SCN11A: variants seen among roughly 807,000 people sequenced by gnomAD.
SCN11A encodes the protein sodium voltage-gated channel alpha subunit 11, also known as sodium channel protein type 11 subunit alpha.
A neutral mutation model predicts 162.2 loss-of-function variants in SCN11A; 122 were observed. The ratio of observed to expected loss-of-function variants is 0.75; its 90% CI spans 0.65 to 0.87. The LOEUF (loss-of-function observed/expected upper bound fraction) is 0.87, where lower values mean the gene tolerates loss of function less well. SCN11A is among the 40% of genes least tolerant of loss of function. The probability of loss-of-function intolerance (pLI) is 0.00; values close to 1 mark genes in which losing one functional copy is unlikely to be tolerated. For synonymous variants in SCN11A, 758 were observed against 751.5 expected (o/e 1.01, Z -0.14); for missense variants, 2,015 against 2,181.6 (o/e 0.92, Z 1.52).
At chr3:38,855,128 CAGGT>C (rs2064846039) in intron 28 of SCN11A, among the ~76,000 whole-genome samples, 1 of 152,188 alleles carries the variant, frequency 6.6e-6, no homozygotes, top group Admixed American at 6.5e-5. Flanking sequence ...TGGCCTGGGG[CAGGT>C]CTGAGATCCC....
chr3:39,037,388 T>C (rs2031933713), intron 1 of SCN11A, among the ~76,000 whole-genome samples: 1 of 150,906 alleles, frequency 6.6e-6, no homozygotes, highest in Admixed American at 6.6e-5. Context: ...TATAGTTAGA[T>C]AGAATGAATA....
intron 7 of SCN11A, among the ~76,000 whole-genome samples, chr3:38,936,501 T>C (rs1157529345): frequency 1.5e-4 from 23 of 151,684 alleles, no homozygotes; most frequent in African/African-American, 5.4e-4. Flanking sequence ...CTCCTTAAGC[T>C]GATAAGCAAC....
chr3:38,912,944 G>A (rs765753914), intron 11 of SCN11A, among the ~76,000 whole-genome samples: 2 of 152,166 alleles, frequency 1.3e-5, no homozygotes, highest in Non-Finnish European at 2.9e-5. Context: ...GAACATGCAT[G>A]TGTGTGTATC....
chr3:39,039,520 C>T (rs1042514426), intron 1 of SCN11A, among the ~76,000 whole-genome samples: 7 of 152,156 alleles, frequency 4.6e-5, no homozygotes, highest in African/African-American at 1.7e-4. Context: ...GCGGTCATTC[C>T]ACCATGCCCA....
At chr3:38,959,181 G>A (rs914905181) in intron 3 of SCN11A, among the ~76,000 whole-genome samples, 4 of 152,182 alleles carry the variant, frequency 2.6e-5, no homozygotes. Context: ...AGGGGCAAAT[G>A]CTTTAAATGG....
intron 14 of SCN11A, among the ~76,000 whole-genome samples, chr3:38,905,692 G>T (rs1450620652): frequency 6.6e-6 from 1 of 152,222 alleles, no homozygotes; most frequent in Admixed American, 6.5e-5. Context: ...ATGTTTAAAG[G>T]TAAGAAGTGG....
At chr3:38,861,148 C>T (rs1447839478) in intron 28 of SCN11A, among the ~76,000 whole-genome samples, 1 of 151,718 alleles carries the variant, frequency 6.6e-6, no homozygotes, top group Non-Finnish European at 1.5e-5. Context: ...ACAACAGCTG[C>T]AGAAAAAAAT....
In SCN11A at chr3:38,897,077, C is replaced by T; in HGVS notation, c.2171G>A (p.Gly724Asp). 1 of 1,614,040 alleles carries T rather than the reference C, an allele frequency of 6.2e-7. No individual in the cohort carries two copies. Among genetic ancestry groups the T allele is most frequent in the Non-Finnish European group, 8.5e-7 (1 of 1,180,008 alleles). Residue 724 changes from glycine (G) to aspartate (D), a missense_variant, in exon 18 of 30, where the codon GGC (glycine) becomes GAC (aspartate). Transcript: ENST00000302328. ...IFSVVGMQLF[G>D]RSFNSQKSPK... ...ACTCTTTTGGGAATTGAAGCTACGG[C>T]CAAAAAGCTGCATGCCAACTACTGA... is the stretch of plus-strand genomic sequence containing the variant.
At chr3:38,914,001 T>A (rs951492106) in intron 11 of SCN11A, among the ~76,000 whole-genome samples, 1 of 152,216 alleles carries the variant, frequency 6.6e-6, no homozygotes, top group Non-Finnish European at 1.5e-5. Flanking sequence ...ATATAAATTT[T>A]AAAACAGCAT....
At chr3:38,926,135 A>AT (rs1193153858) in intron 8 of SCN11A, among the ~76,000 whole-genome samples, 1 of 152,110 alleles carries the variant, frequency 6.6e-6, no homozygotes. Context: ...TGCATTTCTT[A>AT]TTTTTTCTTT....
rs151313408 is a variant in SCN11A, at chr3:38,948,207, C to T, written c.268-1300G>A. Among the ~76,000 whole-genome samples, 218 of 152,304 alleles carry T rather than the reference C, an allele frequency of 1.4e-3. 1 individual carries two copies. The highest frequency in any genetic ancestry group is 5.0e-3 in the African/African-American group (208 of 41,568). On this transcript the variant is annotated intron_variant, in intron 5 of 29. Transcript: ENST00000302328. ...GGAAATTCTGCGCCTTTCCTTTGAA[C>T]AGACATACAATTTTGGGGCAGAAAC...
intron 7 of SCN11A, among the ~76,000 whole-genome samples, chr3:38,940,522 T>C (rs1037102344): frequency 2.6e-5 from 4 of 152,176 alleles, no homozygotes; most frequent in African/African-American, 9.7e-5. Context: ...CAGAAATAGA[T>C]CTGAATACCT....
At chr3:38,927,376 C>T (rs955462410) in intron 7 of SCN11A, among the ~76,000 whole-genome samples, 1 of 152,022 alleles carries the variant, frequency 6.6e-6, no homozygotes, top group African/African-American at 2.4e-5. Flanking sequence ...GTTAAGATAT[C>T]GTACTACCCA....
intron 7 of SCN11A, among the ~76,000 whole-genome samples, chr3:38,940,712 G>A (rs980005040): frequency 3.3e-5 from 5 of 152,144 alleles, no homozygotes; most frequent in Non-Finnish European, 7.3e-5. Context: ...TAAAAGCACT[G>A]TAAGAAAATA....
chr3:38,919,874 C>T, intron 11 of SCN11A, 61 bp downstream of exon 11: 1 of 1,227,050 alleles, frequency 8.1e-7, no homozygotes, highest in African/African-American at 1.5e-5. Context: ...CTGTTTGCCA[C>T]ACCATTCTAA....
At chr3:39,040,216 T>C (rs1009027426) in intron 1 of SCN11A, among the ~76,000 whole-genome samples, 3 of 152,232 alleles carry the variant, frequency 2.0e-5, no homozygotes, top group African/African-American at 7.2e-5. Flanking sequence ...GGCACTCAAA[T>C]ACTGCTCATG....
At chr3:38,922,873 A>G (rs2066076169) in intron 9 of SCN11A, among the ~76,000 whole-genome samples, 1 of 152,162 alleles carries the variant, frequency 6.6e-6, no homozygotes, top group African/African-American at 2.4e-5. Flanking sequence ...GCACAACTAA[A>G]TAGTTCCCAT....
At chr3:38,872,336 G>T in intron 23 of SCN11A, 42 bp from the exon 24 acceptor site, 1 of 1,116,152 alleles carries the variant, frequency 9.0e-7, no homozygotes, top group Non-Finnish European at 1.4e-6. Flanking sequence ...CTGACTTGGT[G>T]TCCAGCTGGA....
chr3:38,973,964 C>T (rs1400967896), intron 2 of SCN11A, among the ~76,000 whole-genome samples: 1 of 152,136 alleles, frequency 6.6e-6, no homozygotes, highest in Non-Finnish European at 1.5e-5. Flanking sequence ...GTACTGTGAC[C>T]CAGACCTTAA....
Sources: gnomAD v4.1 joint callset for allele counts (sites outside exome capture counted in the v4.1 genomes callset) on GRCh38, gnomAD v4.1.1 for gene constraint, MANE v1.5 for transcripts, NCBI Gene and HGNC (gene_info 2026-07-23, HGNC 2026-07-21) for gene names.